NXPH1: variants seen among roughly 807,000 people sequenced by gnomAD.
NXPH1 encodes neurexophilin-1.
A neutral mutation model predicts 23.7 loss-of-function variants in NXPH1; 5 were observed. The ratio of observed to expected loss-of-function variants is 0.21; its 90% CI spans 0.11 to 0.44. The LOEUF (loss-of-function observed/expected upper bound fraction) is 0.44, where lower values mean the gene tolerates loss of function less well. Ranked by LOEUF, NXPH1 falls within the 20% of genes least tolerant of loss-of-function variation. The pLI, the probability that NXPH1 is intolerant of heterozygous loss-of-function variation, is 0.99. For synonymous variants in NXPH1, 144 were observed against 122.2 expected, an observed-to-expected ratio of 1.18 and a Z score of -1.18; for missense variants, 324 against 321.6, an observed-to-expected ratio of 1.01 and a Z score of -0.06.
At chr7:8,540,739 G>A (rs763265706) in intron 2 of NXPH1, among the ~76,000 whole-genome samples, 1 of 151,794 alleles carries the variant, frequency 6.6e-6, no homozygotes, top group African/African-American at 2.4e-5. Context: ...AGCTGAAAAT[G>A]TTAGGGGTAA....
chr7:8,708,124 A>T (rs1197877300), intron 2 of NXPH1, among the ~76,000 whole-genome samples: 1 of 152,198 alleles, frequency 6.6e-6, no homozygotes, highest in Non-Finnish European at 1.5e-5. Context: ...GAATCACTAT[A>T]GTGACAAAGA....
In NXPH1 at chr7:8,435,575, A is replaced by C; in HGVS notation, c.-110-29A>C. The C allele has an allele frequency of 1.3e-6, 1 of 763,404 alleles. No individual in the cohort carries two copies. 47.3% of individuals were successfully genotyped at this position (763,404 alleles called of 1,614,324 possible). ...CAAGCCTAACCTTGCCCGCGTAGTCATGGGATGTCTAATTTTATTTGCATC... is the reference window on the plus strand; with the variant it reads ...CAAGCCTAACCTTGCCCGCGTAGTCCTGGGATGTCTAATTTTATTTGCATC... On this transcript the variant is annotated intron_variant, in intron 1 of 2. Transcript: ENST00000405863. The surrounding 1 kb of genome is among the most constrained non-coding windows in gnomAD (Gnocchi z 5.9).
intron 2 of NXPH1, among the ~76,000 whole-genome samples, chr7:8,663,842 TC>T (rs1820718457): frequency 6.6e-6 from 1 of 152,046 alleles, no homozygotes; most frequent in African/African-American, 2.4e-5. Flanking sequence ...TGAAGAAAGA[TC>T]TGGTCATCAG....
chr7:8,577,926 G>T (rs117027479), intron 2 of NXPH1, among the ~76,000 whole-genome samples: 1,695 of 152,302 alleles, frequency 0.011, 16 homozygotes, highest in South Asian at 0.051. Flanking sequence ...AGACACCTTA[G>T]AAGTGGATCA....
chr7:8,698,604 A>G (rs1219145508), intron 2 of NXPH1, among the ~76,000 whole-genome samples: 3 of 146,340 alleles, frequency 2.1e-5, no homozygotes, highest in African/African-American at 7.3e-5. Flanking sequence ...ATGGGGTACT[A>G]TACTGATTTT....
intron 2 of NXPH1, among the ~76,000 whole-genome samples, chr7:8,486,991 G>C (rs1283979670): frequency 2.0e-5 from 3 of 151,846 alleles, no homozygotes; most frequent in African/African-American, 7.3e-5. Context: ...TATTTTCCAT[G>C]ATCAGATATT....
intron 2 of NXPH1, among the ~76,000 whole-genome samples, chr7:8,580,897 T>C (rs996150260): frequency 1.1e-4 from 16 of 152,216 alleles, no homozygotes; most frequent in African/African-American, 3.9e-4. Context: ...ATTGTTCTTA[T>C]ATTCTTAACA....
At chr7:8,480,283 A>G (rs1485409731) in intron 2 of NXPH1, among the ~76,000 whole-genome samples, 1 of 152,142 alleles carries the variant, frequency 6.6e-6, no homozygotes, top group Non-Finnish European at 1.5e-5. Flanking sequence ...AGAGAAAAAA[A>G]GGTTGGATGG....
At chr7:8,500,883 G>A (rs558630625) in intron 2 of NXPH1, among the ~76,000 whole-genome samples, 2 of 152,108 alleles carry the variant, frequency 1.3e-5, no homozygotes, top group African/African-American at 4.8e-5. Context: ...AATGACGTAG[G>A]GGTCCCTTAG....
intron 2 of NXPH1, among the ~76,000 whole-genome samples, chr7:8,575,841 G>A (rs146346436): frequency 1.3e-5 from 2 of 151,834 alleles, no homozygotes; most frequent in African/African-American, 4.8e-5. Flanking sequence ...GATACTGGTG[G>A]ATATATTCTG....
intron 2 of NXPH1, among the ~76,000 whole-genome samples, chr7:8,526,790 C>CT (rs1432785570): frequency 6.6e-6 from 1 of 152,174 alleles, no homozygotes; most frequent in Non-Finnish European, 1.5e-5. Flanking sequence ...ATGTGGAACT[C>CT]TAAGTCCAAT....
At chr7:8,715,927 T>TTACATA (rs138198576) in intron 2 of NXPH1, among the ~76,000 whole-genome samples, 1 of 151,920 alleles carries the variant, frequency 6.6e-6, no homozygotes, top group Non-Finnish European at 1.5e-5. Context: ...GTGTGTATAT[T>TTACATA]TACATATACA....
intron 2 of NXPH1, among the ~76,000 whole-genome samples, chr7:8,454,451 C>T (rs1175019858): frequency 2.6e-5 from 4 of 152,108 alleles, no homozygotes; most frequent in African/African-American, 9.7e-5. Flanking sequence ...CATCATGCTT[C>T]TCCTTCTACA....
chr7:8,664,686 C>T (rs960940526), intron 2 of NXPH1, among the ~76,000 whole-genome samples: 3 of 152,044 alleles, frequency 2.0e-5, no homozygotes, highest in Non-Finnish European at 4.4e-5. Context: ...TCGTCACCCA[C>T]ACTTCTCATT....
At chr7:8,474,659 C>G (rs1451495600) in intron 2 of NXPH1, among the ~76,000 whole-genome samples, 3 of 152,146 alleles carry the variant, frequency 2.0e-5, no homozygotes, top group African/African-American at 4.8e-5. Flanking sequence ...ATATATCTGA[C>G]AAAACTTTAA....
intron 2 of NXPH1, among the ~76,000 whole-genome samples, chr7:8,746,074 T>G (rs1169700173): frequency 6.6e-6 from 1 of 152,198 alleles, no homozygotes; most frequent in Non-Finnish European, 1.5e-5. Flanking sequence ...GACTGTGAAC[T>G]TCTCGAGAGC....
intron 2 of NXPH1, among the ~76,000 whole-genome samples, chr7:8,495,004 T>C (rs1817312021): frequency 6.6e-6 from 1 of 152,058 alleles, no homozygotes; most frequent in Non-Finnish European, 1.5e-5. Flanking sequence ...TTGTGAGGTT[T>C]AAAAAGGGAT....
intron 2 of NXPH1, among the ~76,000 whole-genome samples, chr7:8,549,923 G>A (rs1017537194): frequency 6.6e-6 from 1 of 151,494 alleles, no homozygotes; most frequent in African/African-American, 2.4e-5. Flanking sequence ...AATTATACTG[G>A]TTTCCTTAGG....
chr7:8,446,487 G>T (rs1816405947), intron 2 of NXPH1, among the ~76,000 whole-genome samples: 1 of 152,134 alleles, frequency 6.6e-6, no homozygotes, highest in African/African-American at 2.4e-5. Flanking sequence ...CAATATATGA[G>T]TTATGTATTG....
Sources: allele counts gnomAD v4.1 joint callset (sites outside exome capture counted in the v4.1 genomes callset), GRCh38; gene constraint gnomAD v4.1.1; non-coding constraint Gnocchi (gnomAD v3.1); transcripts MANE v1.5; gene names NCBI Gene and HGNC (gene_info 2026-07-23, HGNC 2026-07-21).